Variants in NASP observed in about 807,000 individuals in gnomAD.
The protein encoded by NASP is nuclear autoantigenic sperm protein, also known as NASP histone chaperone.
NASP carries 24 observed loss-of-function variants against 89.5 expected under a neutral mutation model. The ratio of observed to expected loss-of-function variants is 0.27; its 90% confidence interval spans 0.19 to 0.38. The LOEUF is 0.38. NASP is among the 10% of genes least tolerant of loss of function. The probability of loss-of-function intolerance (pLI) is 1.00; values close to 1 mark genes in which losing one functional copy is unlikely to be tolerated. For synonymous variants in NASP, 306 were observed against 324.7 expected, an observed-to-expected ratio of 0.94 and a Z score of 0.62; for missense variants, 848 against 921.4, an observed-to-expected ratio of 0.92 and a Z score of 1.03.
intron 4 of NASP, chr1:45,605,780 T>G (rs1450973542): frequency 1.3e-5 from 2 of 152,780 alleles, no homozygotes; most frequent in South Asian, 2.1e-4. Flanking sequence ...ATAAGTTTTT[T>G]TTTTTTTTTT....
rs778459509 is a variant in NASP at position 45,616,332 on chromosome 1, C to T, written c.2023-5C>T. 7 of 1,613,930 alleles carry T rather than the reference C, an allele frequency of 4.3e-6. No homozygotes were observed. Among genetic ancestry groups the T allele is most frequent in the Non-Finnish European group, 5.9e-6 (7 of 1,179,804 alleles). On this transcript the variant is annotated splice_region_variant and splice_polypyrimidine_tract_variant and intron_variant, in intron 11 of 14. Coordinates refer to ENST00000350030, the MANE Select transcript of NASP (RefSeq NM_002482.4). ...AAACTAATTTGGATTTGTCATTTCT[C>T]GCAGGTGGAGAGTTCTACTTCAGGT...
chr1:45,597,576 T>A (rs549196481), intron 2 of NASP, among the ~76,000 whole-genome samples: 1 of 152,182 alleles, frequency 6.6e-6, no homozygotes, highest in Non-Finnish European at 1.5e-5. Context: ...TTTGAAGAGT[T>A]ATTTTTCAAA....
At chr1:45,599,930 G>T in intron 2 of NASP, among the ~76,000 whole-genome samples, 2 of 143,066 alleles carry the variant, frequency 1.4e-5, no homozygotes, top group East Asian at 2.0e-4. Context: ...TATTGCCTCT[G>T]TCCTAGAGTG....
intron 1 of NASP, among the ~76,000 whole-genome samples, chr1:45,589,232 A>G (rs899260940): frequency 2.6e-5 from 4 of 152,080 alleles, no homozygotes; most frequent in Non-Finnish European, 5.9e-5. Context: ...GGCTCAAGCA[A>G]TCTTCCCATA....
At position 45,607,327 on chromosome 1, in the gene NASP, C is replaced by A. The variant is rs755064333; in HGVS notation, c.416C>A (p.Ala139Glu). ...VENNDNIDEE[A>E]REELREQVYD... ...ATGTTCTTTAACCATGTAGAGGAAG[C>A]AAGGGAAGAGTTGAGAGAACAGGTT... Residue 139 changes from alanine to glutamate, a missense_variant, in exon 6 of 15, where the codon GCA (alanine) becomes GAA (glutamate). Transcript: ENST00000350030. 1.2e-6 allele frequency: 2 copies of A among 1,613,382 alleles called. No individual in the cohort carries two copies. Among genetic ancestry groups the A allele is most frequent in the South Asian group, 2.2e-5 (2 of 91,054 alleles).
chr1:45,585,458 T>C (rs1364960526), intron 1 of NASP, among the ~76,000 whole-genome samples: 1 of 152,200 alleles, frequency 6.6e-6, no homozygotes, highest in Non-Finnish European at 1.5e-5. Context: ...GCAGTGGTTC[T>C]CAAGTCACCC....
In NASP at chr1:45,607,911, G is replaced by T; in HGVS notation, c.1000G>T (p.Val334Leu). ...AGGAAAGGCGGTTCTTGAACAACTG[G>T]TAGGTCAAGAAGTACCACCTGCTGA... ...EAGKAVLEQL[V>L]GQEVPPAEES... is the part of the protein sequence containing the mutation. Residue 334 changes from valine (V) to leucine (L), a missense_variant, in exon 6 of 15, where the codon GTA becomes TTA. Physicochemically the swap from Val to Leu is conservative, Grantham distance 32. Transcript: ENST00000350030. 1 of 1,614,166 alleles carries T rather than the reference G, an allele frequency of 6.2e-7. No homozygotes were observed. The highest frequency in any genetic ancestry group is 8.5e-7 in the Non-Finnish European group (1 of 1,180,036).
intron 4 of NASP, among the ~76,000 whole-genome samples, chr1:45,605,389 T>C (rs1349475686): frequency 6.6e-6 from 1 of 152,206 alleles, no homozygotes; most frequent in Non-Finnish European, 1.5e-5. Context: ...TCTATCAGAA[T>C]TTATTAATCA....
intron 13 of NASP, chr1:45,617,234 C>T: frequency 4.2e-6 from 2 of 475,282 alleles, no homozygotes; most frequent in Non-Finnish European, 7.4e-6. Flanking sequence ...TCACCCCAAC[C>T]CTATCTCCCT....
At chr1:45,591,298 T>A (rs765463686) in intron 2 of NASP, 28 bp downstream of exon 2, 1 of 1,405,792 alleles carries the variant, frequency 7.1e-7, no homozygotes, top group Non-Finnish European at 9.7e-7. Flanking sequence ...GTAGTTAGAT[T>A]CGTATCAGAA....
intron 6 of NASP, chr1:45,612,872 A>C (rs1644039357): frequency 4.5e-6 from 1 of 221,976 alleles, no homozygotes; most frequent in Non-Finnish European, 8.7e-6. Flanking sequence ...ATTGAATAAG[A>C]GGCAGTAGCC....
chr1:45,609,606 C>G (rs1643968327), intron 6 of NASP: 1 of 152,192 alleles, frequency 6.6e-6, no homozygotes, highest in Non-Finnish European at 1.5e-5. Context: ...ACCCCTAAGA[C>G]CTTGAATGGT....
intron 2 of NASP, among the ~76,000 whole-genome samples, chr1:45,592,353 T>A (rs936818152): frequency 3.3e-5 from 5 of 152,138 alleles, no homozygotes; most frequent in Admixed American, 3.3e-4. Flanking sequence ...GCTCAAGCAA[T>A]CCCCCTGCCT....
chr1:45,601,540 C>CCAATA (rs1245819375), intron 2 of NASP, among the ~76,000 whole-genome samples: 1 of 152,036 alleles, frequency 6.6e-6, no homozygotes, highest in Non-Finnish European at 1.5e-5. Context: ...TTTCTTTATG[C>CCAATA]CAATACTACA....
At chr1:45,598,010 C>G (rs558275815) in intron 2 of NASP, among the ~76,000 whole-genome samples, 1 of 152,214 alleles carries the variant, frequency 6.6e-6, no homozygotes, top group African/African-American at 2.4e-5. Flanking sequence ...TACTTTTGTT[C>G]TTAATTGAAG....
intron 5 of NASP, 82 bp downstream of exon 5, chr1:45,606,673 G>C (rs1643913837): frequency 1.1e-6 from 1 of 887,778 alleles, no homozygotes; most frequent in African/African-American, 1.7e-5. Context: ...GGCTCTACCT[G>C]TCCTGGATGG....
At position 45,587,185 on chromosome 1, in the gene NASP, GT is replaced by G. The variant is rs796390802; in HGVS notation, c.59+2989del. 5.3e-5 allele frequency among the ~76,000 whole-genome samples: 8 copies of G among 150,714 alleles called. No homozygotes were observed. In the South Asian group the frequency reaches 6.3e-4, roughly 12 times the overall value. ...TAGCTTTCTAACTAGTTCTTAGTTG[GT>G]TTTTTTTTGTTGTTTTTTTTTTGAG... On this transcript the variant is annotated intron_variant, in intron 1 of 14. Transcript: ENST00000350030.
At chr1:45,599,280 C>A (rs536502566) in intron 2 of NASP, among the ~76,000 whole-genome samples, 2 of 151,990 alleles carry the variant, frequency 1.3e-5, no homozygotes, top group Admixed American at 6.6e-5. Flanking sequence ...AGGTGCATAC[C>A]GTGATGTCAG....
intron 1 of NASP, among the ~76,000 whole-genome samples, chr1:45,585,880 C>T (rs1323801396): frequency 6.6e-6 from 1 of 152,176 alleles, no homozygotes; most frequent in African/African-American, 2.4e-5. Context: ...CTCAAGCAGT[C>T]CTCCCGCCTT....
Sources: gnomAD v4.1 joint callset for allele counts (sites outside exome capture counted in the v4.1 genomes callset) on GRCh38, gnomAD v4.1.1 for gene constraint, MANE v1.5 for transcripts, NCBI Gene and HGNC (gene_info 2026-07-23, HGNC 2026-07-21) for gene names.